The following ZNF804B variants were observed in gnomAD, a reference collection of about 807,000 sequenced individuals.
ZNF804B encodes zinc finger protein 804B.
In ZNF804B, 80 loss-of-function variants were observed where a neutral mutation model predicts 101.4. The ratio of observed to expected loss-of-function variants is 0.79; its 90% CI spans 0.66 to 0.95. The LOEUF (loss-of-function observed/expected upper bound fraction) is 0.95. Ranked by LOEUF, ZNF804B falls within the 40% of genes least tolerant of loss-of-function variation. The pLI is 0.00. For synonymous variants in ZNF804B, 622 were observed against 558.8 expected (o/e 1.11, Z -1.59); for missense variants, 1,673 against 1,561.9 (o/e 1.07, Z -1.20).
At position 89,235,126 on chromosome 7, in the gene ZNF804B, A is replaced by G. The variant is rs186208159; in HGVS notation, c.249+16831A>G. The stretch of plus-strand genomic sequence containing the variant: ...TTGTCTCCTTATCTTTTTATTCTCT[A>G]TGAGAGCATCAGTTTTCCAGTTTAT... On this transcript the variant is annotated intron_variant, in intron 2 of 3. Transcript: ENST00000333190. 1.4e-4 allele frequency among the ~76,000 whole-genome samples: 22 copies of G among 152,218 alleles called. No individual in the cohort carries two copies. In the East Asian group the frequency reaches 4.0e-3, roughly 28 times the overall value.
intron 1 of ZNF804B, among the ~76,000 whole-genome samples, chr7:88,995,657 G>A (rs1788180939): frequency 1.3e-5 from 2 of 151,984 alleles, no homozygotes; most frequent in Admixed American, 1.3e-4. Context: ...CTCTTTAAGG[G>A]GGAGATGTGC....
intron 1 of ZNF804B, among the ~76,000 whole-genome samples, chr7:89,104,775 G>A (rs183260011): frequency 6.6e-5 from 10 of 151,960 alleles, no homozygotes; most frequent in African/African-American, 2.2e-4. Flanking sequence ...TTAGCCTAAT[G>A]TTTTTATTAA....
At chr7:88,884,493 G>T (rs992593842) in intron 1 of ZNF804B, among the ~76,000 whole-genome samples, 1 of 151,380 alleles carries the variant, frequency 6.6e-6, no homozygotes, top group Non-Finnish European at 1.5e-5. Flanking sequence ...TTATCTTAAA[G>T]TTTAAAAAAA....
At chr7:88,944,154 A>C in intron 1 of ZNF804B, among the ~76,000 whole-genome samples, 1 of 151,814 alleles carries the variant, frequency 6.6e-6, no homozygotes, top group Admixed American at 6.6e-5. Flanking sequence ...GTAAATGTTT[A>C]ACATTGTACT....
intron 1 of ZNF804B, among the ~76,000 whole-genome samples, chr7:88,829,168 T>C (rs1791093575): frequency 6.6e-6 from 1 of 152,118 alleles, no homozygotes; most frequent in Non-Finnish European, 1.5e-5. Context: ...CACTGTAGCC[T>C]TGAACTCCTG....
intron 2 of ZNF804B, among the ~76,000 whole-genome samples, chr7:89,279,029 A>G (rs909032132): frequency 6.6e-6 from 1 of 152,058 alleles, no homozygotes; most frequent in Non-Finnish European, 1.5e-5. Context: ...AATTTCATTG[A>G]GCAGTGGTTT....
intron 2 of ZNF804B, among the ~76,000 whole-genome samples, chr7:89,319,083 T>TC (rs1180817149): frequency 1.3e-5 from 2 of 152,138 alleles, no homozygotes; most frequent in African/African-American, 4.8e-5. Flanking sequence ...TAAGTGGTTT[T>TC]CCGCCCTGGG....
At chr7:88,829,678 GATTTGT>G (rs1791103508) in intron 1 of ZNF804B, among the ~76,000 whole-genome samples, 1 of 152,076 alleles carries the variant, frequency 6.6e-6, no homozygotes, top group African/African-American at 2.4e-5. Context: ...TGACTGATGT[GATTTGT>G]ATTTATGTGC....
Position 89,298,557 on chromosome 7 carries a change from C to T in ZNF804B, c.250-28787C>T, listed in dbSNP as rs535022153. On this transcript the variant is annotated intron_variant, in intron 2 of 3. Coordinates refer to ENST00000333190, the MANE Select transcript of ZNF804B (RefSeq NM_181646.5). ...TCAGCATAATGACTATGTGATAATA[C>T]ATCTGTGTCTTTGCATGTATCTGTT... Among the ~76,000 whole-genome samples, 26 of 151,584 alleles carry T rather than the reference C, an allele frequency of 1.7e-4. No individual in the cohort carries two copies. In the South Asian group the frequency reaches 3.7e-3, roughly 22 times the overall value.
intron 1 of ZNF804B, among the ~76,000 whole-genome samples, chr7:89,208,120 C>T (rs1238785725): frequency 2.1e-5 from 3 of 139,546 alleles, no homozygotes; most frequent in Admixed American, 1.5e-4. Flanking sequence ...CTCTCTCTGT[C>T]GTCCAGGCTG....
At chr7:89,061,727 C>T (rs978688785) in intron 1 of ZNF804B, among the ~76,000 whole-genome samples, 2 of 152,060 alleles carry the variant, frequency 1.3e-5, no homozygotes, top group Admixed American at 6.6e-5. Context: ...ATAAAATGCT[C>T]ACATCAGTGT....
At chr7:88,778,617 C>T (rs941236495) in intron 1 of ZNF804B, among the ~76,000 whole-genome samples, 3 of 152,152 alleles carry the variant, frequency 2.0e-5, no homozygotes, top group Admixed American at 6.6e-5. Flanking sequence ...CATCTAGCAG[C>T]CTAGGCTTGA....
intron 1 of ZNF804B, among the ~76,000 whole-genome samples, chr7:88,858,531 T>A (rs1277502891): frequency 2.6e-5 from 4 of 152,130 alleles, no homozygotes; most frequent in African/African-American, 7.2e-5. Flanking sequence ...GAATATTTTA[T>A]AGTTGGTGAA....
intron 1 of ZNF804B, among the ~76,000 whole-genome samples, chr7:88,962,857 T>C (rs1793408479): frequency 6.7e-6 from 1 of 150,286 alleles, no homozygotes; most frequent in Non-Finnish European, 1.5e-5. Context: ...CAGAAATGTG[T>C]ACAGTGCTAT....
Position 89,333,699 on chromosome 7 carries a change from T to C in ZNF804B, c.717T>C (p.Ser239=). 1 of 1,613,436 alleles carries C rather than the reference T, an allele frequency of 6.2e-7. No individual in the cohort carries two copies. Among genetic ancestry groups the C allele is most frequent in the Non-Finnish European group, 8.5e-7 (1 of 1,179,708 alleles). Residue 239 remains serine (S), a synonymous_variant, in exon 4 of 4, where the codon AGT becomes AGC. Coordinates refer to ENST00000333190, the MANE Select transcript of ZNF804B (RefSeq NM_181646.5). Reference sequence around the variant, plus strand: ...TAGAATCTTCAGCATCAGTTTTCAGTGAGAACACAGAAGAAACCCATGATT... The same window carrying C: ...TAGAATCTTCAGCATCAGTTTTCAGCGAGAACACAGAAGAAACCCATGATT... ...LKLESSASVF[S]ENTEETHDCN...
chr7:89,226,510 G>A (rs1789090763), intron 2 of ZNF804B, among the ~76,000 whole-genome samples: 1 of 142,580 alleles, frequency 7.0e-6, no homozygotes, highest in Non-Finnish European at 1.5e-5. Context: ...AAATACAGAA[G>A]TGTAGAAAAA....
At chr7:88,837,611 A>T (rs1791233820) in intron 1 of ZNF804B, among the ~76,000 whole-genome samples, 1 of 152,000 alleles carries the variant, frequency 6.6e-6, no homozygotes, top group African/African-American at 2.4e-5. Context: ...AATGGATTTC[A>T]GATTGCACAT....
intron 3 of ZNF804B, among the ~76,000 whole-genome samples, chr7:89,330,273 G>T (rs1790959061): frequency 6.6e-6 from 1 of 151,608 alleles, no homozygotes; most frequent in Non-Finnish European, 1.5e-5. Flanking sequence ...ACTTTCCGAT[G>T]TAAGATGAAT....
chr7:89,319,717 C>A (rs571317081), intron 2 of ZNF804B, among the ~76,000 whole-genome samples: 6 of 152,092 alleles, frequency 3.9e-5, no homozygotes, highest in Non-Finnish European at 7.3e-5. Flanking sequence ...GCACACAGGG[C>A]CAGCTGAAGT....
Sources: gnomAD v4.1 joint callset for allele counts (sites outside exome capture counted in the v4.1 genomes callset) on GRCh38, gnomAD v4.1.1 for gene constraint, MANE v1.5 for transcripts, NCBI Gene and HGNC (gene_info 2026-07-23, HGNC 2026-07-21) for gene names.